Variants in CSNK2A2IP observed in about 807,000 individuals in gnomAD.
CSNK2A2IP encodes casein kinase 2 subunit alpha' interacting protein.
the CSNK2A2IP span, among the ~76,000 whole-genome samples, chr3:88,457,560 G>T: frequency 6.6e-6 from 1 of 151,908 alleles, no homozygotes; most frequent in Non-Finnish European, 1.5e-5. Context: ...AGCTGGGCAT[G>T]GTGGCAGTCT....
chr3:88,445,275 C>CAAAAAAAAAAAAAAAAAAAAAAAAA, the CSNK2A2IP span, among the ~76,000 whole-genome samples: 5 of 47,770 alleles, frequency 1.0e-4, 1 homozygote, highest in East Asian at 7.8e-4. Context: ...GTAAAAATAC[C>CAAAAAAAAAAAAAAAAAAAAAAAAA]AAAAAAAAAA....
At chr3:88,413,190 T>C in the CSNK2A2IP span, among the ~76,000 whole-genome samples, 1 of 152,008 alleles carries the variant, frequency 6.6e-6, no homozygotes. Flanking sequence ...TACTCACCTA[T>C]GTTGTGTTCT....
chr3:88,359,459 G>A, the CSNK2A2IP span, among the ~76,000 whole-genome samples: 8 of 150,808 alleles, frequency 5.3e-5, no homozygotes, highest in African/African-American at 2.0e-4. Flanking sequence ...ACATCATTTG[G>A]TTGTTTTTTT....
chr3:88,450,823 G>C, the CSNK2A2IP span, among the ~76,000 whole-genome samples: 1 of 152,080 alleles, frequency 6.6e-6, no homozygotes, highest in East Asian at 1.9e-4. Flanking sequence ...AAGCAGGTAG[G>C]TATCTTTATG....
chr3:88,361,439 C>T, the CSNK2A2IP span, among the ~76,000 whole-genome samples: 1 of 152,238 alleles, frequency 6.6e-6, no homozygotes, highest in Admixed American at 6.5e-5. Flanking sequence ...TGTCATTCCA[C>T]TTACTTCTGG....
At chr3:88,461,057 G>A in the CSNK2A2IP span, among the ~76,000 whole-genome samples, 15 of 150,236 alleles carry the variant, frequency 1.0e-4, no homozygotes, top group African/African-American at 3.2e-4. Flanking sequence ...ATTGCACTCC[G>A]ACATGGGCAA....
the CSNK2A2IP span, among the ~76,000 whole-genome samples, chr3:88,434,630 G>A: frequency 6.6e-6 from 1 of 152,026 alleles, no homozygotes; most frequent in Admixed American, 6.6e-5. Context: ...CAAAAATCAG[G>A]GTTGCTATGA....
chr3:88,442,722 A>G, the CSNK2A2IP span, among the ~76,000 whole-genome samples: 1 of 152,052 alleles, frequency 6.6e-6, no homozygotes. Context: ...CTAGAAAACA[A>G]CAGAGTTGAG....
chr3:88,408,519 T>C, the CSNK2A2IP span, among the ~76,000 whole-genome samples: 1 of 152,056 alleles, frequency 6.6e-6, no homozygotes, highest in Non-Finnish European at 1.5e-5. Flanking sequence ...AAACTTGAAG[T>C]AGGCTTGACA....
the CSNK2A2IP span, among the ~76,000 whole-genome samples, chr3:88,365,365 A>G: frequency 6.6e-6 from 1 of 152,180 alleles, no homozygotes; most frequent in African/African-American, 2.4e-5. Flanking sequence ...CAGATCACCC[A>G]TGATATTGGC....
chr3:88,358,859 A>G, the CSNK2A2IP span, among the ~76,000 whole-genome samples: 1 of 152,042 alleles, frequency 6.6e-6, no homozygotes, highest in Non-Finnish European at 1.5e-5. Flanking sequence ...ATGAGTTTGA[A>G]AGTATTTCCT....
the CSNK2A2IP span, among the ~76,000 whole-genome samples, chr3:88,342,881 TG>T: frequency 1.3e-5 from 2 of 152,096 alleles, no homozygotes; most frequent in African/African-American, 4.8e-5. Flanking sequence ...TCTCTTTTCT[TG>T]GTAGCCAATA....
At chr3:88,390,574 T>A in the CSNK2A2IP span, among the ~76,000 whole-genome samples, 1 of 152,144 alleles carries the variant, frequency 6.6e-6, no homozygotes, top group African/African-American at 2.4e-5. Flanking sequence ...AGCAAAAGAA[T>A]AAATAACTAA....
the CSNK2A2IP span, among the ~76,000 whole-genome samples, chr3:88,414,016 A>G: frequency 6.6e-6 from 1 of 151,730 alleles, no homozygotes; most frequent in Non-Finnish European, 1.5e-5. Flanking sequence ...AACACTGATA[A>G]TCACAGGCAG....
chr3:88,373,880 AGAT>A, the CSNK2A2IP span, among the ~76,000 whole-genome samples: 2 of 151,702 alleles, frequency 1.3e-5, no homozygotes, highest in South Asian at 2.1e-4. Flanking sequence ...AAAATTAATA[AGAT>A]GAAATTTTTG....
chr3:88,413,318 C>T, the CSNK2A2IP span, among the ~76,000 whole-genome samples: 1 of 151,790 alleles, frequency 6.6e-6, no homozygotes, highest in South Asian at 2.1e-4. Flanking sequence ...CAAGAAAGAC[C>T]TAGGAGAAGG....
chr3:88,462,554 A>T, the CSNK2A2IP span, among the ~76,000 whole-genome samples: 1 of 152,194 alleles, frequency 6.6e-6, no homozygotes, highest in African/African-American at 2.4e-5. Flanking sequence ...AAATTACTAT[A>T]ATTATACAGT....
chr3:88,427,575 G>T, the CSNK2A2IP span, among the ~76,000 whole-genome samples: 1 of 152,186 alleles, frequency 6.6e-6, no homozygotes, highest in African/African-American at 2.4e-5. Flanking sequence ...GTGCACTGAT[G>T]CTTTGCGTAG....
At chr3:88,358,805 G>T in the CSNK2A2IP span, among the ~76,000 whole-genome samples, 1 of 152,070 alleles carries the variant, frequency 6.6e-6, no homozygotes, top group Non-Finnish European at 1.5e-5. Context: ...TGTTGTTGTT[G>T]TGTCTGTCTG....
Sources: gnomAD v4.1 joint callset for allele counts (sites outside exome capture counted in the v4.1 genomes callset) on GRCh38, gnomAD v4.1.1 for gene constraint, MANE v1.5 for transcripts, NCBI Gene and HGNC (gene_info 2026-07-23, HGNC 2026-07-21) for gene names.